The following KCTD8 variants were observed in gnomAD, a reference collection of about 807,000 sequenced individuals.
The protein encoded by KCTD8 is potassium channel tetramerization domain containing 8.
Under a neutral mutation model 31.5 loss-of-function variants are expected in KCTD8, and 27 were observed. The ratio of observed to expected loss-of-function variants is 0.86; its 90% CI spans 0.63 to 1.18. The LOEUF (loss-of-function observed/expected upper bound fraction) is 1.18, where lower values mean the gene tolerates loss of function less well. KCTD8 is among the 50% of genes most tolerant of loss of function. KCTD8 has a pLI of 0.00. For synonymous variants in KCTD8, 290 were observed against 280.0 expected, an observed-to-expected ratio of 1.04 and a Z score of -0.36; for missense variants, 658 against 647.7, an observed-to-expected ratio of 1.02 and a Z score of -0.17.
intron 1 of KCTD8, among the ~76,000 whole-genome samples, chr4:44,432,936 A>T (rs1271850787): frequency 6.6e-6 from 1 of 150,926 alleles, no homozygotes; most frequent in Non-Finnish European, 1.5e-5. Flanking sequence ...TTCCATAACC[A>T]CTCTTCTCTT....
chr4:44,423,707 G>GA (rs1296311592), intron 1 of KCTD8, among the ~76,000 whole-genome samples: 1 of 152,032 alleles, frequency 6.6e-6, no homozygotes, highest in Admixed American at 6.6e-5. Flanking sequence ...GAAGAGTAAG[G>GA]AAAAAAACGA....
intron 1 of KCTD8, among the ~76,000 whole-genome samples, chr4:44,316,704 A>C (rs3103530): frequency 1.4e-5 from 2 of 145,190 alleles, no homozygotes; most frequent in African/African-American, 2.5e-5. Flanking sequence ...TAATCCCAGC[A>C]CTTTGGGAGG....
intron 1 of KCTD8, among the ~76,000 whole-genome samples, chr4:44,440,161 G>T (rs888509659): frequency 1.3e-5 from 2 of 151,978 alleles, no homozygotes; most frequent in Non-Finnish European, 2.9e-5. Context: ...TTGAACTCCT[G>T]ACCTCAGGTG....
intron 1 of KCTD8, among the ~76,000 whole-genome samples, chr4:44,393,484 T>A (rs956368355): frequency 6.6e-5 from 10 of 151,408 alleles, no homozygotes; most frequent in African/African-American, 2.4e-4. Flanking sequence ...GTAAATGTAT[T>A]ATATTTCCAA....
intron 1 of KCTD8, among the ~76,000 whole-genome samples, chr4:44,389,893 T>C (rs942388288): frequency 6.6e-6 from 1 of 151,936 alleles, no homozygotes; most frequent in Non-Finnish European, 1.5e-5. Context: ...ATTAGTGATG[T>C]TGAGCATTTT....
intron 1 of KCTD8, among the ~76,000 whole-genome samples, chr4:44,187,387 C>T (rs187042921): frequency 6.6e-6 from 1 of 152,146 alleles, no homozygotes; most frequent in Non-Finnish European, 1.5e-5. Context: ...AGGATTCTAT[C>T]CACATTCACC....
At chr4:44,202,504 A>C (rs1206464414) in intron 1 of KCTD8, among the ~76,000 whole-genome samples, 1 of 152,226 alleles carries the variant, frequency 6.6e-6, no homozygotes, top group Non-Finnish European at 1.5e-5. Context: ...GGAAGCCATT[A>C]TACTAAGCAA....
chr4:44,316,092 T>C (rs897758167), intron 1 of KCTD8, among the ~76,000 whole-genome samples: 16 of 152,056 alleles, frequency 1.1e-4, no homozygotes, highest in Admixed American at 3.3e-4. Context: ...TTAACTTTCC[T>C]CATAATCATT....
chr4:44,225,339 C>T (rs1714924621), intron 1 of KCTD8, among the ~76,000 whole-genome samples: 1 of 152,200 alleles, frequency 6.6e-6, no homozygotes, highest in Non-Finnish European at 1.5e-5. Context: ...TGTAGAGCAG[C>T]AGGAGCAAAC....
intron 1 of KCTD8, among the ~76,000 whole-genome samples, chr4:44,217,107 T>A (rs891626016): frequency 6.6e-6 from 1 of 152,190 alleles, no homozygotes; most frequent in Non-Finnish European, 1.5e-5. Context: ...AGGGTCATCC[T>A]ACTATGCAGA....
chr4:44,262,473 T>C (rs1716208925), intron 1 of KCTD8, among the ~76,000 whole-genome samples: 1 of 151,998 alleles, frequency 6.6e-6, no homozygotes. Context: ...TATAAGGACA[T>C]ATCAATTACT....
chr4:44,195,224 C>T (rs375017127), intron 1 of KCTD8, among the ~76,000 whole-genome samples: 2 of 151,276 alleles, frequency 1.3e-5, no homozygotes, highest in African/African-American at 4.9e-5. Context: ...TAACATGGAA[C>T]TAAACTAGAA....
chr4:44,317,429 CGG>C (rs1718168616), intron 1 of KCTD8, among the ~76,000 whole-genome samples: 1 of 141,004 alleles, frequency 7.1e-6, no homozygotes, highest in African/African-American at 3.0e-5. Flanking sequence ...TTAGTAGAGA[CGG>C]GGTTTCACCT....
chr4:44,238,102 T>A (rs535611112), intron 1 of KCTD8, among the ~76,000 whole-genome samples: 20 of 152,272 alleles, frequency 1.3e-4, no homozygotes, highest in South Asian at 6.2e-4. Context: ...TCCCCCTTAC[T>A]CTCTATGCTC....
intron 1 of KCTD8, among the ~76,000 whole-genome samples, chr4:44,247,718 G>A (rs559384316): frequency 5.3e-5 from 8 of 151,876 alleles, no homozygotes; most frequent in African/African-American, 1.9e-4. Context: ...TGTACTATCA[G>A]TTCTTCTGTG....
chr4:44,217,428 A>C (rs1714680191), intron 1 of KCTD8, among the ~76,000 whole-genome samples: 1 of 152,152 alleles, frequency 6.6e-6, no homozygotes, highest in Non-Finnish European at 1.5e-5. Flanking sequence ...AGCACTCCAC[A>C]CAGAAGTCTC....
At chr4:44,332,295 T>C (rs888826328) in intron 1 of KCTD8, among the ~76,000 whole-genome samples, 1 of 151,972 alleles carries the variant, frequency 6.6e-6, no homozygotes, top group Non-Finnish European at 1.5e-5. Context: ...TTTGAACAGA[T>C]GACTGGATCT....
At chr4:44,256,042 A>C (rs2109363516) in intron 1 of KCTD8, among the ~76,000 whole-genome samples, 1 of 151,990 alleles carries the variant, frequency 6.6e-6, no homozygotes, top group African/African-American at 2.4e-5. Flanking sequence ...TCAAAGGGAA[A>C]GCAAAGGCGC....
In KCTD8 at chr4:44,290,921, A is replaced by G. The variant is rs951679432; in HGVS notation, c.962-115671T>C. 2.0e-5 allele frequency among the ~76,000 whole-genome samples: 3 copies of G among 152,086 alleles called. No homozygotes were observed. The East Asian group carries it at 5.8e-4, about 29-fold the overall frequency. On this transcript the variant is annotated intron_variant, in intron 1 of 1. Transcript: ENST00000360029. ...GAGGAACCAGGGGAAAAAAGAACAA[A>G]CCAACCACAAAGTTAGAAGAAGAAC...
Sources: allele counts gnomAD v4.1 joint callset (sites outside exome capture counted in the v4.1 genomes callset), GRCh38; gene constraint gnomAD v4.1.1; transcripts MANE v1.5; gene names NCBI Gene and HGNC (gene_info 2026-07-23, HGNC 2026-07-21).